Variants in CRISPLD2 observed in about 807,000 individuals in gnomAD.
CRISPLD2 encodes cysteine-rich secretory protein LCCL domain-containing 2.
A neutral mutation model predicts 71.1 loss-of-function variants in CRISPLD2; 47 were observed. That is an observed-to-expected ratio of 0.66 (90% confidence interval 0.52 to 0.84). The LOEUF (loss-of-function observed/expected upper bound fraction) is 0.84, where lower values mean the gene tolerates loss of function less well. Among genes scored for constraint, CRISPLD2 ranks in the 40% least tolerant of loss-of-function variants. The probability of loss-of-function intolerance (pLI) is 0.00; values close to 1 mark genes in which losing one functional copy is unlikely to be tolerated. For synonymous variants in CRISPLD2, 317 were observed against 250.1 expected (o/e 1.27, Z -2.52); for missense variants, 830 against 651.1 (o/e 1.27, Z -2.99).
At chr16:84,858,532 C>T (rs979736350) in intron 6 of CRISPLD2, among the ~76,000 whole-genome samples, 5 of 152,212 alleles carry the variant, frequency 3.3e-5, no homozygotes, top group African/African-American at 1.2e-4. Context: ...ATTTATTTCC[C>T]ATCCTCTGGC....
intron 14 of CRISPLD2, among the ~76,000 whole-genome samples, chr16:84,900,686 C>T (rs749828925): frequency 5.9e-5 from 9 of 152,044 alleles, no homozygotes; most frequent in Admixed American, 2.0e-4. Context: ...CACTCCTAGG[C>T]GCTCACTCTC....
intron 8 of CRISPLD2, 114 bp from the exon 9 acceptor site, chr16:84,872,328 A>T: frequency 1.1e-6 from 1 of 889,376 alleles, no homozygotes; most frequent in East Asian, 2.6e-5. Flanking sequence ...ATCCACATGA[A>T]TGAAGCTTTT....
At chr16:84,853,306 C>G (rs1183060224) in intron 5 of CRISPLD2, among the ~76,000 whole-genome samples, 1 of 152,214 alleles carries the variant, frequency 6.6e-6, no homozygotes, top group Non-Finnish European at 1.5e-5. Flanking sequence ...TCTGGGACCT[C>G]TCGGTCCCTT....
chr16:84,868,030 C>G (rs1384212068), intron 7 of CRISPLD2, among the ~76,000 whole-genome samples: 1 of 152,194 alleles, frequency 6.6e-6, no homozygotes, highest in Non-Finnish European at 1.5e-5. Context: ...GCCCTTGGCT[C>G]TCCCCGTTTG....
At chr16:84,825,175 A>G (rs11149689) in intron 1 of CRISPLD2, among the ~76,000 whole-genome samples, 43,818 of 151,704 alleles carry the variant, frequency 0.29, 6,477 homozygotes, top group Non-Finnish European at 0.31. Flanking sequence ...GGGAAGGGGG[A>G]TATTCAAAGG....
chr16:84,888,080 G>A (rs1032234037), intron 13 of CRISPLD2, among the ~76,000 whole-genome samples: 1 of 152,186 alleles, frequency 6.6e-6, no homozygotes, highest in Non-Finnish European at 1.5e-5. Flanking sequence ...TACAGTTCTG[G>A]AAGCCAGAAG....
chr16:84,849,431 A>G lies in CRISPLD2; in HGVS notation c.406A>G (p.Lys136Glu), dbSNP rs1366613428. The G allele has an allele frequency of 2.5e-6, 4 of 1,613,970 alleles. No individual in the cohort carries two copies. Among genetic ancestry groups the G allele is most frequent in the Non-Finnish European group, 3.4e-6 (4 of 1,179,856 alleles). ...FHVQSWYDEV[K>E]DYTYPYPSEC... ...TGTGCAGTCCTGGTATGACGAGGTG[A>G]AGGACTACACCTACCCCTACCCGAG... The change falls in exon 4 of 15, where the codon AAG (lysine) becomes GAG (glutamate). Residue 136 changes from lysine (K) to glutamate (E), a missense_variant. Transcript: ENST00000262424.
intron 14 of CRISPLD2, among the ~76,000 whole-genome samples, chr16:84,905,504 A>T (rs2071793611): frequency 6.6e-6 from 1 of 151,724 alleles, no homozygotes; most frequent in African/African-American, 2.4e-5. Context: ...CGTTCAAGTG[A>T]TTCTCCTGCC....
At position 84,906,801 on chromosome 16, in the gene CRISPLD2, C is replaced by T. The variant is rs1411533173; in HGVS notation, c.*159C>T. On this transcript the variant is annotated 3_prime_UTR_variant, in exon 15 of 15. Transcript: ENST00000262424. Reference sequence around the variant, plus strand: ...GTGGCCTGTGGGTGAGGTGACATCTCATCCCCTCACTGAAGCAACAGCATC... The same window carrying T: ...GTGGCCTGTGGGTGAGGTGACATCTTATCCCCTCACTGAAGCAACAGCATC... 2 of 822,036 alleles carry T rather than the reference C, an allele frequency of 2.4e-6. No individual in the cohort carries two copies. The highest frequency in any genetic ancestry group is 4.1e-6 in the Non-Finnish European group (2 of 489,114). The allele number at this position is 822,036 out of a possible 1,614,324, so 50.9% of individuals were successfully genotyped here.
At chr16:84,849,190 G>A (rs1014529198) in intron 3 of CRISPLD2, 195 bp from the exon 4 acceptor site, 14 of 569,994 alleles carry the variant, frequency 2.5e-5, no homozygotes, top group South Asian at 6.5e-5. Flanking sequence ...CTCGCTGCCC[G>A]TGGCTGCTCC....
chr16:84,840,337 T>C (rs749204351), intron 2 of CRISPLD2, among the ~76,000 whole-genome samples: 1 of 152,152 alleles, frequency 6.6e-6, no homozygotes, highest in Non-Finnish European at 1.5e-5. Context: ...TAGAAAGTAT[T>C]AGCACCAATT....
chr16:84,847,422 T>C (rs535319635), intron 3 of CRISPLD2, among the ~76,000 whole-genome samples: 10 of 152,200 alleles, frequency 6.6e-5, no homozygotes, highest in African/African-American at 1.4e-4. Context: ...GAGGCCAAGG[T>C]GGGCAGAATA....
chr16:84,894,019 C>G (rs1006389484), intron 14 of CRISPLD2, among the ~76,000 whole-genome samples: 1 of 152,214 alleles, frequency 6.6e-6, no homozygotes, highest in African/African-American at 2.4e-5. Flanking sequence ...ACACAAACCA[C>G]CAAAACCCCC....
chr16:84,824,929 C>A (rs1206393314), intron 1 of CRISPLD2, among the ~76,000 whole-genome samples: 1 of 151,632 alleles, frequency 6.6e-6, no homozygotes, highest in Non-Finnish European at 1.5e-5. Flanking sequence ...CAAGGTGAAA[C>A]CCCATCTCTA....
chr16:84,868,209 C>G (rs897185805), intron 7 of CRISPLD2, among the ~76,000 whole-genome samples: 1 of 152,248 alleles, frequency 6.6e-6, no homozygotes, highest in Admixed American at 6.5e-5. Flanking sequence ...CATTCTGTAG[C>G]TTGCTTTGAC....
At chr16:84,870,536 C>A (rs191706950) in intron 8 of CRISPLD2, among the ~76,000 whole-genome samples, 1 of 151,808 alleles carries the variant, frequency 6.6e-6, no homozygotes, top group East Asian at 2.0e-4. Flanking sequence ...AGGCTGGTCT[C>A]AAACTCCTGA....
intron 6 of CRISPLD2, 99 bp downstream of exon 6, chr16:84,854,928 C>G: frequency 1.1e-6 from 1 of 916,120 alleles, no homozygotes; most frequent in Non-Finnish European, 1.8e-6. Context: ...AAGTCAGTCA[C>G]CCCTCCTGGC....
At chr16:84,875,680 C>T (rs1461288436) in intron 11 of CRISPLD2, among the ~76,000 whole-genome samples, 2 of 151,336 alleles carry the variant, frequency 1.3e-5, no homozygotes, top group African/African-American at 4.9e-5. Context: ...CCTTAGCCTC[C>T]TGAGTAGCTG....
chr16:84,907,465 C>T lies in CRISPLD2; in HGVS notation c.*823C>T, dbSNP rs534149351. The T allele has an allele frequency of 1.3e-5, 2 of 152,346 alleles. No homozygotes were observed. The highest frequency in any genetic ancestry group is 2.1e-4 in the South Asian group (1 of 4,824). 9.4% of individuals were successfully genotyped at this position (152,346 alleles called of 1,614,324 possible). A position where few individuals can be genotyped will look rare whatever the true frequency, so the allele number is the denominator to read the frequency against. ...TTTCTTTACCCCCTACCCGTTGTGG[C>T]TCCCACCCTGCCTCGGACTGGTTTA... On this transcript the variant is annotated 3_prime_UTR_variant, in exon 15 of 15. Coordinates refer to ENST00000262424, the MANE Select transcript of CRISPLD2 (RefSeq NM_031476.4).
Sources: gnomAD v4.1 joint callset for allele counts (sites outside exome capture counted in the v4.1 genomes callset) on GRCh38, gnomAD v4.1.1 for gene constraint, MANE v1.5 for transcripts, NCBI Gene and HGNC (gene_info 2026-07-23, HGNC 2026-07-21) for gene names.